The following PIAS4 variants were observed in gnomAD, a reference collection of about 807,000 sequenced individuals.
PIAS4 encodes E3 SUMO-protein ligase PIAS4.
Under a neutral mutation model 58.0 loss-of-function variants are expected in PIAS4, and 7 were observed. The ratio of observed to expected loss-of-function variants is 0.12; its 90% CI spans 0.07 to 0.23. The LOEUF is 0.23. Ranked by LOEUF, PIAS4 falls within the 10% of genes least tolerant of loss-of-function variation. The pLI, the probability that PIAS4 is intolerant of heterozygous loss-of-function variation, is 1.00. For missense variants in PIAS4, 550 were observed against 709.5 expected, an observed-to-expected ratio of 0.78 and a Z score of 2.55; for synonymous variants, 364 against 312.4, an observed-to-expected ratio of 1.17 and a Z score of -1.74.
chr19:4,037,533 G>A lies in PIAS4; in HGVS notation c.1273+29G>A. On this transcript the variant is annotated intron_variant, in intron 10 of 10. Coordinates refer to ENST00000262971, the MANE Select transcript of PIAS4 (RefSeq NM_015897.4). The surrounding 1 kb of genome is among the most constrained non-coding windows in gnomAD (Gnocchi z 5.8). ...AGTGCCTCACCCCACCAGCCGCGCAGTCCGCAGCCAGGGCCGCCTCAGTTT... is the reference window on the plus strand; with the variant it reads ...AGTGCCTCACCCCACCAGCCGCGCAATCCGCAGCCAGGGCCGCCTCAGTTT... 1 of 1,608,076 alleles carries A rather than the reference G, an allele frequency of 6.2e-7. No individual in the cohort carries two copies. The highest frequency in any genetic ancestry group is 1.3e-5 in the African/African-American group (1 of 75,030).
intron 7 of PIAS4, among the ~76,000 whole-genome samples, chr19:4,031,368 C>T (rs1374273205): frequency 1.3e-5 from 2 of 152,212 alleles, no homozygotes; most frequent in African/African-American, 2.4e-5. Flanking sequence ...GGTCCCTCCA[C>T]GGAGTCCGGC....
At chr19:4,008,533 C>G (rs924175737) in intron 1 of PIAS4, among the ~76,000 whole-genome samples, 3 of 152,158 alleles carry the variant, frequency 2.0e-5, no homozygotes, top group Admixed American at 1.3e-4. Flanking sequence ...CTTTCCCTCC[C>G]CATAGGATGG....
chr19:4,009,308 C>T (rs374313134), intron 1 of PIAS4, among the ~76,000 whole-genome samples: 3 of 152,320 alleles, frequency 2.0e-5, no homozygotes, highest in East Asian at 3.9e-4. Flanking sequence ...GCGCACACTT[C>T]TGCTCCTCTC....
chr19:4,028,422 C>A, intron 4 of PIAS4, 88 bp from the exon 5 acceptor site: 1 of 1,017,540 alleles, frequency 9.8e-7, no homozygotes, highest in Non-Finnish European at 1.5e-6. Context: ...CCATCACTGC[C>A]GCCTGGCTAC....
intron 9 of PIAS4, 87 bp downstream of exon 9, chr19:4,033,667 GC>G: frequency 2.6e-6 from 3 of 1,164,682 alleles, no homozygotes; most frequent in Non-Finnish European, 3.6e-6. Flanking sequence ...ACCACATGGT[GC>G]CCCAGCAAGA....
At chr19:4,022,875 T>G (rs1764405470) in intron 2 of PIAS4, among the ~76,000 whole-genome samples, 1 of 151,608 alleles carries the variant, frequency 6.6e-6, no homozygotes, top group Non-Finnish European at 1.5e-5. Flanking sequence ...CTGCTGTTTT[T>G]TTAAGAGATG....
intron 2 of PIAS4, among the ~76,000 whole-genome samples, chr19:4,022,192 AG>A (rs1438322684): frequency 6.6e-6 from 1 of 152,234 alleles, no homozygotes; most frequent in East Asian, 1.9e-4. Flanking sequence ...CTAAGTTGTC[AG>A]ATTCATTGGC....
intron 2 of PIAS4, among the ~76,000 whole-genome samples, chr19:4,021,742 C>CTTTTTTTTTTTTTTT (rs776416490): frequency 1.9e-5 from 2 of 104,086 alleles, no homozygotes; most frequent in African/African-American, 7.3e-5. Flanking sequence ...TTTTCTTTTT[C>CTTTTTTTTTTTTTTT]TTTTTTTTTT....
At chr19:4,028,371 C>T (rs1054741544) in intron 4 of PIAS4, 139 bp from the exon 5 acceptor site, 17 of 799,546 alleles carry the variant, frequency 2.1e-5, no homozygotes, top group African/African-American at 3.4e-5. Flanking sequence ...AGGCCACACC[C>T]GGGGGCCCTG....
chr19:4,028,257 C>A, intron 4 of PIAS4, 70 bp downstream of exon 4: 1 of 1,334,066 alleles, frequency 7.5e-7, no homozygotes, highest in South Asian at 1.2e-5. Context: ...CCCCCCAGTC[C>A]TGGCCCAGGC....
At chr19:4,010,306 C>G (rs147749247) in intron 1 of PIAS4, among the ~76,000 whole-genome samples, 187 of 152,274 alleles carry the variant, frequency 1.2e-3, no homozygotes, top group Non-Finnish European at 1.9e-3. Context: ...GCGGGAGCTG[C>G]GGCTCCACTG....
chr19:4,032,360 A>G (rs920573323), intron 7 of PIAS4, among the ~76,000 whole-genome samples: 3 of 152,058 alleles, frequency 2.0e-5, no homozygotes, highest in African/African-American at 4.8e-5. Context: ...CCTGCCCCCC[A>G]TGGCCCAGGG....
At position 4,013,575 on chromosome 19, in the gene PIAS4, C is replaced by T. The variant is rs769897431; in HGVS notation, c.454+226C>T. ...TACCCCGAAATGGAGCCACTGGAAG[C>T]AGGGGGCGTCTGTTAGCTCTCAGGA... On this transcript the variant is annotated intron_variant, in intron 2 of 10. Transcript: ENST00000262971. The surrounding 1 kb of genome is among the most constrained non-coding windows in gnomAD (Gnocchi z 5.1). Among the ~76,000 whole-genome samples the T allele has an allele frequency of 6.6e-6, 1 of 152,196 alleles. No homozygotes were observed. The highest frequency in any genetic ancestry group is 1.5e-5 in the Non-Finnish European group (1 of 68,030).
intron 2 of PIAS4, among the ~76,000 whole-genome samples, chr19:4,023,742 A>G (rs1390166545): frequency 6.6e-6 from 1 of 152,138 alleles, no homozygotes; most frequent in Non-Finnish European, 1.5e-5. Flanking sequence ...GCAGCTCGGC[A>G]CTTTTCGGTT....
At chr19:4,008,441 C>T (rs573350757) in intron 1 of PIAS4, among the ~76,000 whole-genome samples, 53 of 152,230 alleles carry the variant, frequency 3.5e-4, no homozygotes, top group Middle Eastern at 3.4e-3. Flanking sequence ...TCAGCTCCTG[C>T]ATTGGTCCCA....
rs1312957702 is a variant in PIAS4 at position 4,026,224 on chromosome 19, C to T, written c.540-1922C>T. Among the ~76,000 whole-genome samples the T allele has an allele frequency of 8.8e-5, 13 of 147,552 alleles. No individual in the cohort carries two copies. In the East Asian group the frequency reaches 2.4e-3, roughly 27 times the overall value. On this transcript the variant is annotated intron_variant, in intron 3 of 10. Coordinates refer to ENST00000262971, the MANE Select transcript of PIAS4 (RefSeq NM_015897.4). ...GTCGGCTCACTGCAACTTCTGCCTCCCAGGTTCAAGCGATTCTCCTGACTC... is the reference window on the plus strand; with the variant it reads ...GTCGGCTCACTGCAACTTCTGCCTCTCAGGTTCAAGCGATTCTCCTGACTC...
chr19:4,026,223 C>G (rs1248284152), intron 3 of PIAS4, among the ~76,000 whole-genome samples: 1 of 147,092 alleles, frequency 6.8e-6, no homozygotes, highest in African/African-American at 2.6e-5. Context: ...ACTTCTGCCT[C>G]CCAGGTTCAA....
In PIAS4 at chr19:4,014,662, C is replaced by T. The variant is rs1280577669; in HGVS notation, c.454+1313C>T. ...ACGCAGCAGGGAACAGGACCAAGGC[C>T]ACGAGGTTCAGAACCCTGTGCATGC... On this transcript the variant is annotated intron_variant, in intron 2 of 10. Transcript: ENST00000262971. Among the ~76,000 whole-genome samples the T allele has an allele frequency of 2.0e-5, 3 of 152,226 alleles. No homozygotes were observed. The East Asian group carries it at 5.8e-4, about 29-fold the overall frequency.
intron 3 of PIAS4, 81 bp downstream of exon 3, chr19:4,024,201 C>G: frequency 9.8e-7 from 1 of 1,024,872 alleles, no homozygotes; most frequent in Non-Finnish European, 1.5e-6. Flanking sequence ...GAGCCGGCAG[C>G]CACGTCCACT....
Sources: allele counts gnomAD v4.1 joint callset (sites outside exome capture counted in the v4.1 genomes callset), GRCh38; gene constraint gnomAD v4.1.1; non-coding constraint Gnocchi (gnomAD v3.1); transcripts MANE v1.5; gene names NCBI Gene and HGNC (gene_info 2026-07-23, HGNC 2026-07-21).